The following SNX29 variants were observed in gnomAD, a reference collection of about 807,000 sequenced individuals.
SNX29 encodes the protein sorting nexin 29, also known as sorting nexin-29.
In SNX29, 78 loss-of-function variants were observed where a neutral mutation model predicts 102.1. That is an observed-to-expected ratio of 0.76 (90% CI 0.64 to 0.92). The LOEUF (loss-of-function observed/expected upper bound fraction) is 0.92, where lower values mean the gene tolerates loss of function less well. SNX29 is among the 40% of genes least tolerant of loss of function. The probability of loss-of-function intolerance (pLI) is 0.00; values close to 1 mark genes in which losing one functional copy is unlikely to be tolerated. For synonymous variants in SNX29, 580 were observed against 414.5 expected (o/e 1.40, Z -4.85); for missense variants, 1,280 against 1,061.7 (o/e 1.21, Z -2.86).
intron 15 of SNX29, among the ~76,000 whole-genome samples, chr16:12,348,735 C>T (rs567185415): frequency 1.3e-5 from 2 of 152,134 alleles, no homozygotes; most frequent in African/African-American, 2.4e-5. Context: ...CTGGGGAATC[C>T]GAATCCCAGT....
At chr16:12,536,874 G>A (rs1381313102) in intron 20 of SNX29, among the ~76,000 whole-genome samples, 1 of 152,188 alleles carries the variant, frequency 6.6e-6, no homozygotes, top group Non-Finnish European at 1.5e-5. Flanking sequence ...TACTTGGGAG[G>A]CTGAGGCAAG....
At chr16:12,533,828 C>G (rs1427497239) in intron 20 of SNX29, among the ~76,000 whole-genome samples, 1 of 152,196 alleles carries the variant, frequency 6.6e-6, no homozygotes, top group African/African-American at 2.4e-5. Context: ...CCACTCCTCA[C>G]CAGGCTGATT....
rs1237090843 is a variant in SNX29 at position 12,571,937 on chromosome 16, C to T, written c.*3308C>T. 1 of 1,061,986 alleles carries T rather than the reference C, an allele frequency of 9.4e-7. No individual in the cohort carries two copies. Among genetic ancestry groups the T allele is most frequent in the Non-Finnish European group, 1.1e-6 (1 of 877,228 alleles). The allele number at this position is 1,061,986 out of a possible 1,614,324, so 65.8% of individuals were successfully genotyped here. On this transcript the variant is annotated 3_prime_UTR_variant, in exon 21 of 21. Transcript: ENST00000566228. ...TGGCAGGCCCTGGTGAAGGAAGACACTTTCAGGGAAGAGGCTCTTACAGTC... is the reference window on the plus strand; with the variant it reads ...TGGCAGGCCCTGGTGAAGGAAGACATTTTCAGGGAAGAGGCTCTTACAGTC...
chr16:12,367,796 T>C (rs1197822208), intron 16 of SNX29, among the ~76,000 whole-genome samples: 3 of 152,264 alleles, frequency 2.0e-5, no homozygotes, highest in Non-Finnish European at 2.9e-5. Flanking sequence ...TGGACATCCC[T>C]GTTTTAATCA....
chr16:12,434,172 T>G (rs544712803), intron 18 of SNX29, among the ~76,000 whole-genome samples: 7 of 152,288 alleles, frequency 4.6e-5, no homozygotes, highest in African/African-American at 1.4e-4. Flanking sequence ...TCAGGCAACT[T>G]AATTGACCTT....
chr16:12,208,171 C>T (rs1301356062), intron 14 of SNX29, among the ~76,000 whole-genome samples: 1 of 152,210 alleles, frequency 6.6e-6, no homozygotes, highest in East Asian at 1.9e-4. Flanking sequence ...TGCTCACATT[C>T]CATGGGTGAG....
chr16:12,562,011 G>A (rs1282995554), intron 20 of SNX29, among the ~76,000 whole-genome samples: 1 of 152,178 alleles, frequency 6.6e-6, no homozygotes, highest in Non-Finnish European at 1.5e-5. Context: ...TGCAACCCAG[G>A]AGGCCTGGCC....
intron 19 of SNX29, among the ~76,000 whole-genome samples, chr16:12,496,077 G>A (rs147521911): frequency 1.3e-5 from 2 of 152,162 alleles, no homozygotes; most frequent in African/African-American, 4.8e-5. Context: ...TTCAGTGAGC[G>A]CAGAGGTACT....
At chr16:12,485,116 T>G (rs1344598014) in intron 19 of SNX29, among the ~76,000 whole-genome samples, 1 of 152,236 alleles carries the variant, frequency 6.6e-6, no homozygotes, top group Non-Finnish European at 1.5e-5. Context: ...ACATAAACTT[T>G]CAAGGTGACT....
chr16:12,398,456 A>T lies in SNX29; in HGVS notation c.1910A>T (p.Asp637Val), dbSNP rs1408692783. 6.2e-7 allele frequency: 1 copy of T among 1,613,636 alleles called. No homozygotes were observed. Among genetic ancestry groups the T allele is most frequent in the Non-Finnish European group, 8.5e-7 (1 of 1,179,858 alleles). Reference sequence around the variant, plus strand: ...TTCTCCTGATGGTAGGTGCCTGGAGATTTGAGTCAAACGTCCGAAGACCAG... The same window carrying T: ...TTCTCCTGATGGTAGGTGCCTGGAGTTTTGAGTCAAACGTCCGAAGACCAG... ...LIDLRGPVPGDLSQTSEDQSL... is the reference protein window; with the variant it reads ...LIDLRGPVPGVLSQTSEDQSL... Residue 637 changes from aspartate to valine, a missense_variant, in exon 17 of 21, where the codon GAT (aspartate) becomes GTT (valine). Asp to Val is a radical substitution (Grantham distance 152). Coordinates refer to ENST00000566228, the MANE Select transcript of SNX29 (RefSeq NM_032167.5).
intron 20 of SNX29, among the ~76,000 whole-genome samples, chr16:12,558,887 G>A (rs2078542529): frequency 6.6e-6 from 1 of 152,230 alleles, no homozygotes; most frequent in African/African-American, 2.4e-5. Context: ...ATGTGCCTGA[G>A]TTTGCTTCAG....
chr16:12,364,097 A>G (rs138862534), intron 16 of SNX29, among the ~76,000 whole-genome samples: 2,423 of 152,128 alleles, frequency 0.016, 27 homozygotes, highest in Non-Finnish European at 0.025. Flanking sequence ...GACTTAAGCA[A>G]TCCTCCTGCC....
At chr16:12,431,699 C>T (rs1462633525) in intron 18 of SNX29, among the ~76,000 whole-genome samples, 1 of 152,092 alleles carries the variant, frequency 6.6e-6, no homozygotes, top group East Asian at 1.9e-4. Context: ...ATGAAGAAAA[C>T]TTCTGCTTCA....
At chr16:11,978,875 A>T (rs1220803915) in intron 1 of SNX29, among the ~76,000 whole-genome samples, 1 of 151,910 alleles carries the variant, frequency 6.6e-6, no homozygotes, top group Non-Finnish European at 1.5e-5. Flanking sequence ...CAGTGAGCCA[A>T]GATCAAGCCA....
intron 18 of SNX29, among the ~76,000 whole-genome samples, chr16:12,460,994 C>A (rs1465993887): frequency 6.6e-6 from 1 of 152,220 alleles, no homozygotes; most frequent in African/African-American, 2.4e-5. Context: ...TAATAGCCGA[C>A]TTTTGTTAAA....
rs2055309645 is a variant in SNX29, at chr16:11,976,811, G to A, written c.5G>A (p.Ser2Asn). The change falls in exon 1 of 21, where the codon AGC becomes AAC. Residue 2 changes from serine (S) to asparagine (N), a missense_variant and splice_region_variant. Transcript: ENST00000566228. M[S>N]GSQNNDKRQF... ...ACCGGCCCGGGGAGAGGCACCATGA[G>A]CGGTGAGTGGCGGCCCCGCCGCTGT... 2.2e-6 allele frequency: 3 copies of A among 1,380,004 alleles called. No individual in the cohort carries two copies. The highest frequency in any genetic ancestry group is 2.8e-6 in the Non-Finnish European group (3 of 1,066,460). 85.5% of individuals were successfully genotyped at this position (1,380,004 alleles called of 1,614,324 possible). A position where few individuals can be genotyped will look rare whatever the true frequency, so the allele number is the denominator to read the frequency against.
chr16:12,392,616 C>T (rs1369688147), intron 16 of SNX29, among the ~76,000 whole-genome samples: 1 of 152,206 alleles, frequency 6.6e-6, no homozygotes, highest in Non-Finnish European at 1.5e-5. Flanking sequence ...AACTGATTCA[C>T]AGAAGTGTGA....
intron 15 of SNX29, among the ~76,000 whole-genome samples, chr16:12,308,535 C>G (rs957420989): frequency 1.5e-4 from 23 of 152,132 alleles, no homozygotes. Context: ...GTCATCCCTC[C>G]TTCATGTTTG....
At chr16:12,221,594 A>G (rs893488099) in intron 14 of SNX29, among the ~76,000 whole-genome samples, 3 of 152,254 alleles carry the variant, frequency 2.0e-5, no homozygotes, top group Admixed American at 2.0e-4. Flanking sequence ...AGCCTGGGCA[A>G]CAGAGCAAGA....
Sources: allele counts gnomAD v4.1 joint callset (sites outside exome capture counted in the v4.1 genomes callset), GRCh38; gene constraint gnomAD v4.1.1; transcripts MANE v1.5; gene names NCBI Gene and HGNC (gene_info 2026-07-23, HGNC 2026-07-21).